Variants in SLC12A4 observed in about 807,000 individuals in gnomAD.
SLC12A4 encodes electroneutral potassium-chloride cotransporter 1.
Under a neutral mutation model 119.2 loss-of-function variants are expected in SLC12A4, and 84 were observed. That is an observed-to-expected ratio of 0.70 (90% confidence interval 0.59 to 0.85). The LOEUF (loss-of-function observed/expected upper bound fraction) is 0.85, where lower values mean the gene tolerates loss of function less well. Ranked by LOEUF, SLC12A4 falls within the 40% of genes least tolerant of loss-of-function variation. The pLI is 0.00. For missense variants in SLC12A4, 1,298 were observed against 1,476.3 expected (o/e 0.88, Z 1.98); for synonymous variants, 599 against 604.6 (o/e 0.99, Z 0.14).
chr16:67,952,289 T>A lies in SLC12A4; in HGVS notation c.812A>T (p.Lys271Met), dbSNP rs753105380. Residue 271 changes from lysine to methionine, a missense_variant, in exon 7 of 24, where the codon AAG becomes ATG. Physicochemically the swap from Lys to Met is moderately conservative, Grantham distance 95. Transcript: ENST00000316341. The part of the protein sequence containing the change: ...FMTLVVFVGV[K>M]YVNKFASLFL... Reference sequence around the variant, plus strand: ...GAGCGAGGCAAATTTGTTCACATACTTGACCCCCACAAACACCACCAGGGT... The same window carrying A: ...GAGCGAGGCAAATTTGTTCACATACATGACCCCCACAAACACCACCAGGGT... The A allele has an allele frequency of 3.2e-5, 52 of 1,614,070 alleles. No homozygotes were observed. The highest frequency in any genetic ancestry group is 4.4e-5 in the Non-Finnish European group (52 of 1,180,044).
rs1345864923 is a variant in SLC12A4, at chr16:67,949,345, G to A, written c.1748+455C>T. On this transcript the variant is annotated intron_variant, in intron 13 of 23. Transcript: ENST00000316341. The surrounding 1 kb of genome is among the most constrained non-coding windows in gnomAD (Gnocchi z 4.6). ...GCATTTCTGTAATCCCAGCTACTCAGGAGGCTGAGGCAGGAGAATTGCTTG... is the reference window on the plus strand; with the variant it reads ...GCATTTCTGTAATCCCAGCTACTCAAGAGGCTGAGGCAGGAGAATTGCTTG... 2.0e-5 allele frequency among the ~76,000 whole-genome samples: 3 copies of A among 152,114 alleles called. No individual in the cohort carries two copies. The highest frequency in any genetic ancestry group is 6.6e-5 in the Admixed American group (1 of 15,266).
chr16:67,951,490 G>T lies in SLC12A4; in HGVS notation c.1133-186C>A. On this transcript the variant is annotated intron_variant, in intron 8 of 23. Transcript: ENST00000316341. This position sits in a 1 kb window ranked among gnomAD's most constrained non-coding sequence, Gnocchi z 5.2. ...AGAAGGAGCTGCCCAGCTAGAAGTCGACAGACAAAGGTGGCTGAACCACCG... is the reference window on the plus strand; with the variant it reads ...AGAAGGAGCTGCCCAGCTAGAAGTCTACAGACAAAGGTGGCTGAACCACCG... 1.4e-6 allele frequency: 1 copy of T among 690,112 alleles called. No individual in the cohort carries two copies. The allele number at this position is 690,112 out of a possible 1,614,324, so 42.7% of individuals were successfully genotyped here.
In SLC12A4 at chr16:67,944,923, A is replaced by C; in HGVS notation, c.3175T>G (p.Phe1059Val). The C allele has an allele frequency of 2.5e-6, 4 of 1,613,302 alleles. No individual in the cohort carries two copies. The highest frequency in any genetic ancestry group is 2.5e-6 in the Non-Finnish European group (3 of 1,179,972). Residue 1059 changes from phenylalanine to valine, a missense_variant, in exon 24 of 24, where the codon TTC becomes GTC. Transcript: ENST00000316341. This position sits in a 1 kb window ranked among gnomAD's most constrained non-coding sequence, Gnocchi z 6.6. Reference protein sequence around the residue: ...NSEGDENYMEFLEVLTEGLER... With the variant: ...NSEGDENYMEVLEVLTEGLER... ...AGGCCCTCGGTCAGCACCTCGAGGA[A>C]CTCCATGTCTGCAGGGCCTCAAGTC...
At position 67,950,876 on chromosome 16, in the gene SLC12A4, G is replaced by T. The variant is rs527320710; in HGVS notation, c.1396+86C>A. On this transcript the variant is annotated intron_variant, in intron 10 of 23. Transcript: ENST00000316341. This position sits in a 1 kb window ranked among gnomAD's most constrained non-coding sequence, Gnocchi z 4.3. ...GGGGAGCTATATATGAGTGTGTGGGGTGTCTGTGCATGTGACCTGGCAACG... is the reference window on the plus strand; with the variant it reads ...GGGGAGCTATATATGAGTGTGTGGGTTGTCTGTGCATGTGACCTGGCAACG... 2.1e-6 allele frequency: 3 copies of T among 1,462,276 alleles called. No individual in the cohort carries two copies. In the East Asian group the frequency reaches 6.9e-5, roughly 33 times the overall value. 90.6% of individuals were successfully genotyped at this position (1,462,276 alleles called of 1,614,324 possible).
intron 2 of SLC12A4, 129 bp from the exon 3 acceptor site, chr16:67,961,835 T>C: frequency 8.0e-7 from 1 of 1,248,414 alleles, no homozygotes; most frequent in Non-Finnish European, 1.1e-6. Context: ...AGTTCCTACC[T>C]GGGGAAGTCC....
intron 1 of SLC12A4, among the ~76,000 whole-genome samples, chr16:67,967,373 G>C (rs553383835): frequency 6.6e-6 from 1 of 152,326 alleles, no homozygotes; most frequent in Admixed American, 6.5e-5. Context: ...TTTATCATCA[G>C]TCAAATCACC....
At position 67,963,500 on chromosome 16, in the gene SLC12A4, T is replaced by A; in HGVS notation, c.175A>T (p.Ile59Phe). Residue 59 changes from isoleucine to phenylalanine, a missense_variant, in exon 2 of 24, where the codon ATT (isoleucine) becomes TTT (phenylalanine). Transcript: ENST00000316341. ...FLSPLEASRG[I>F]DYYDRNLALF... ...GCCAGGTTCCTGTCATAGTAGTCAA[T>A]TCCTCTGGAAGCCTCCAAGGGGGAA... The A allele has an allele frequency of 6.3e-7, 1 of 1,583,884 alleles. No homozygotes were observed. Among genetic ancestry groups the A allele is most frequent in the Non-Finnish European group, 8.5e-7 (1 of 1,171,334 alleles).
chr16:67,968,348 TCCCGGGATAGGTGCGGGCGCGGG>T, intron 1 of SLC12A4, 68 bp downstream of exon 1: 1 of 1,198,142 alleles, frequency 8.3e-7, no homozygotes, highest in Non-Finnish European at 1.1e-6. Flanking sequence ...GCGCGCAAGG[TCCCGGGATAGGTGCGGGCGCGGG>T]CCCGGGATGG....
chr16:67,964,199 T>C (rs892205090), intron 1 of SLC12A4: 2 of 1,100,050 alleles, frequency 1.8e-6, no homozygotes, highest in Non-Finnish European at 2.5e-6. Context: ...GGTGTCGGAC[T>C]GAGCAGGGAG....
At chr16:67,947,899 G>T in intron 14 of SLC12A4, 111 bp from the exon 15 acceptor site, 1 of 1,496,942 alleles carries the variant, frequency 6.7e-7, no homozygotes, top group Non-Finnish European at 9.1e-7. Flanking sequence ...TCCCAGGTGG[G>T]TGGTCAGGTC....
At position 67,947,332 on chromosome 16, in the gene SLC12A4, G is replaced by A. The variant is rs749842569; in HGVS notation, c.2071C>T (p.Arg691Trp). The change falls in exon 16 of 24, where the codon CGG (arginine) becomes TGG (tryptophan). Residue 691 changes from arginine to tryptophan, a missense_variant and splice_region_variant. Transcript: ENST00000316341. ...EEGPPHTKNWRPQLLVLLKLD... is the reference protein window; with the variant it reads ...EEGPPHTKNWWPQLLVLLKLD... ...GGCCAGGGTCTGGCGGGAACTCACC[G>A]CCAGTTCTTGGTGTGAGGAGGCCCC... is the stretch of plus-strand genomic sequence containing the variant. 1.2e-5 allele frequency: 19 copies of A among 1,611,248 alleles called. No homozygotes were observed. Among genetic ancestry groups the A allele is most frequent in the African/African-American group, 5.3e-5 (4 of 74,866 alleles).
At chr16:67,945,661 T>C in intron 21 of SLC12A4, 103 bp downstream of exon 21, 3 of 1,499,240 alleles carry the variant, frequency 2.0e-6, no homozygotes, top group Middle Eastern at 1.9e-4. Context: ...CTAGCTTGGG[T>C]AGGGCTGCGG....
chr16:67,964,075 G>A (rs1451396298), intron 1 of SLC12A4: 3 of 1,537,964 alleles, frequency 2.0e-6, no homozygotes, highest in African/African-American at 1.4e-5. Flanking sequence ...TGCGCGGGGG[G>A]CGTCCTGCAG....
chr16:67,961,284 A>T (rs1432375316), intron 3 of SLC12A4, among the ~76,000 whole-genome samples: 1 of 152,134 alleles, frequency 6.6e-6, no homozygotes, highest in African/African-American at 2.4e-5. Context: ...GACATATGAG[A>T]ACCCAGGCCT....
chr16:67,968,172 G>A (rs1178162384), intron 1 of SLC12A4, among the ~76,000 whole-genome samples: 1 of 152,088 alleles, frequency 6.6e-6, no homozygotes, highest in African/African-American at 2.4e-5. Flanking sequence ...CTCCCTGGGC[G>A]GCCACGTCTG....
intron 1 of SLC12A4, among the ~76,000 whole-genome samples, chr16:67,966,115 T>C (rs1022771054): frequency 6.6e-6 from 1 of 152,198 alleles, no homozygotes; most frequent in Non-Finnish European, 1.5e-5. Context: ...CAGGGAGACA[T>C]GCTTACTCCC....
chr16:67,966,370 C>T (rs1399566755), intron 1 of SLC12A4, among the ~76,000 whole-genome samples: 1 of 152,262 alleles, frequency 6.6e-6, no homozygotes, highest in African/African-American at 2.4e-5. Context: ...CAGGGCAGGT[C>T]TGGACATGCC....
At chr16:67,959,375 A>G (rs2030443641) in intron 3 of SLC12A4, among the ~76,000 whole-genome samples, 1 of 152,184 alleles carries the variant, frequency 6.6e-6, no homozygotes, top group African/African-American at 2.4e-5. Flanking sequence ...GAGAGGGGAC[A>G]GGGAAGACCC....
intron 5 of SLC12A4, among the ~76,000 whole-genome samples, chr16:67,955,333 G>C (rs1310256470): frequency 6.6e-6 from 1 of 152,242 alleles, no homozygotes; most frequent in East Asian, 1.9e-4. Flanking sequence ...ACAAGCACAG[G>C]GGGACAAGAG....
Sources: allele counts gnomAD v4.1 joint callset (sites outside exome capture counted in the v4.1 genomes callset), GRCh38; gene constraint gnomAD v4.1.1; non-coding constraint Gnocchi (gnomAD v3.1); transcripts MANE v1.5; gene names NCBI Gene and HGNC (gene_info 2026-07-23, HGNC 2026-07-21).